ARHGAP24: variants seen among roughly 807,000 people sequenced by gnomAD.
ARHGAP24 encodes rho GTPase-activating protein 24.
ARHGAP24 carries 50 observed loss-of-function variants against 76.4 expected under a neutral mutation model. The ratio of observed to expected loss-of-function variants is 0.65; its 90% CI spans 0.52 to 0.83. The LOEUF (loss-of-function observed/expected upper bound fraction) is 0.83. Ranked by LOEUF, ARHGAP24 falls within the 40% of genes least tolerant of loss-of-function variation. The probability of loss-of-function intolerance (pLI) is 0.00; values close to 1 mark genes in which losing one functional copy is unlikely to be tolerated. For missense variants in ARHGAP24, 930 were observed against 914.2 expected, an observed-to-expected ratio of 1.02 and a Z score of -0.22; for synonymous variants, 345 against 323.3, an observed-to-expected ratio of 1.07 and a Z score of -0.72.
At chr4:85,704,618 T>C (rs916655921) in intron 2 of ARHGAP24, among the ~76,000 whole-genome samples, 5 of 152,212 alleles carry the variant, frequency 3.3e-5, no homozygotes, top group African/African-American at 1.2e-4. Context: ...AAAACTATGA[T>C]ACTCAGTTCT....
rs1261825194 is a variant in ARHGAP24, at chr4:85,731,009, CACACACACACACACACACAG to C, written c.268+9039_268+9058del. ...CTGCACACACACACACACACACACA[CACACACACACACACACACAG>C]AGAGAGAGACTGGGCATGTGTGTGT... is the stretch of plus-strand genomic sequence containing the variant. On this transcript the variant is annotated intron_variant, in intron 3 of 9. Transcript: ENST00000395184. Among the ~76,000 whole-genome samples the C allele has an allele frequency of 2.3e-5, 3 of 132,264 alleles. No individual in the cohort carries two copies. In the East Asian group the frequency reaches 1.6e-3, roughly 70 times the overall value. 86.8% of individuals were successfully genotyped at this position (132,264 alleles called of 152,430 possible).
At chr4:85,945,759 C>CAAA (rs35877734) in intron 5 of ARHGAP24, among the ~76,000 whole-genome samples, 1 of 62,458 alleles carries the variant, frequency 1.6e-5, no homozygotes, top group African/African-American at 4.7e-5. Flanking sequence ...GACTCAGCCT[C>CAAA]AAAAAAAAAA....
In ARHGAP24 at chr4:86,001,196, T is replaced by G. The variant is rs1401022590; in HGVS notation, c.*474T>G. ...GCAAAAATATAAATATATATATAAATATATGAGTTATTAAAATCAGAAGAA... is the reference window on the plus strand; with the variant it reads ...GCAAAAATATAAATATATATATAAAGATATGAGTTATTAAAATCAGAAGAA... On this transcript the variant is annotated 3_prime_UTR_variant, in exon 10 of 10. Transcript: ENST00000395184. The G allele has an allele frequency of 5.0e-6, 2 of 396,900 alleles. No homozygotes were observed. Among genetic ancestry groups the G allele is most frequent in the Non-Finnish European group, 8.9e-6 (2 of 225,294 alleles). The allele number at this position is 396,900 out of a possible 1,614,324, so 24.6% of individuals were successfully genotyped here.
In ARHGAP24 at chr4:85,942,265, A is replaced by T. The variant is rs1306302298; in HGVS notation, c.591A>T (p.Ser197=). The T allele has an allele frequency of 6.2e-7, 1 of 1,614,044 alleles. No individual in the cohort carries two copies. ...CCTTTGACTGTGGGGAGAAGCCATC[A>T]TTTGACAGGTAGATGTCACAATTTT... The part of the protein sequence containing the change: ...QDAFDCGEKP[S]FDSNTDVHTV... The change falls in exon 5 of 10, where the codon TCA becomes TCT. Residue 197 remains serine (S), a synonymous_variant. Transcript: ENST00000395184.
chr4:85,755,669 G>A (rs1199373220), intron 3 of ARHGAP24, among the ~76,000 whole-genome samples: 1 of 124,104 alleles, frequency 8.1e-6, no homozygotes, highest in Non-Finnish European at 1.6e-5. Flanking sequence ...GTCTCGTTCT[G>A]TTGCCCAGGC....
At chr4:85,722,046 T>C in intron 3 of ARHGAP24, 74 bp downstream of exon 3, 5 of 1,359,182 alleles carry the variant, frequency 3.7e-6, no homozygotes, top group Non-Finnish European at 5.2e-6. Flanking sequence ...TCAGACAGGT[T>C]TCATTCTTTT....
At chr4:85,743,468 T>C (rs970069631) in intron 3 of ARHGAP24, among the ~76,000 whole-genome samples, 1 of 117,536 alleles carries the variant, frequency 8.5e-6, no homozygotes, top group Non-Finnish European at 1.7e-5. Context: ...TTTGGGAGGG[T>C]GAGGCAGGAG....
At chr4:85,519,655 C>G (rs139861917) in intron 1 of ARHGAP24, among the ~76,000 whole-genome samples, 1,567 of 152,184 alleles carry the variant, frequency 0.01, 13 homozygotes, top group East Asian at 0.019. Context: ...AGCCTGGAAG[C>G]CCTTACAAAG....
At chr4:85,901,340 G>A (rs964659593) in intron 3 of ARHGAP24, among the ~76,000 whole-genome samples, 2 of 152,052 alleles carry the variant, frequency 1.3e-5, no homozygotes, top group South Asian at 4.1e-4. Context: ...TTTGTTTCTA[G>A]TTAGTATTCA....
chr4:85,972,107 CT>C lies in ARHGAP24; in HGVS notation c.673del (p.Tyr225MetfsTer25). 1 of 1,613,874 alleles carries C rather than the reference CT, an allele frequency of 6.2e-7. No individual in the cohort carries two copies. The highest frequency in any genetic ancestry group is 1.7e-5 in the Admixed American group (1 of 60,008). ...CGAGAACTTCCAGAACCAGTTATTC[CT>C]TATGCGAAGTATGAAGATTTTTTGT... ...YLRELPEPVI[P>X]YAKYEDFLSC... On this transcript the variant is annotated frameshift_variant, in exon 6 of 10. Coordinates refer to ENST00000395184, the MANE Select transcript of ARHGAP24 (RefSeq NM_001025616.3). LOFTEE classifies it high-confidence loss of function.
At chr4:85,890,254 T>G (rs1003942159) in intron 3 of ARHGAP24, among the ~76,000 whole-genome samples, 1 of 152,184 alleles carries the variant, frequency 6.6e-6, no homozygotes, top group African/African-American at 2.4e-5. Flanking sequence ...CCCTGTAGAC[T>G]TCCCAGCCCC....
intron 1 of ARHGAP24, among the ~76,000 whole-genome samples, chr4:85,544,623 G>T (rs1423277128): frequency 6.6e-6 from 1 of 151,854 alleles, no homozygotes; most frequent in Non-Finnish European, 1.5e-5. Flanking sequence ...AATTTTAAGG[G>T]TTTTTTCAGG....
At chr4:85,610,252 G>A (rs1372674482) in intron 2 of ARHGAP24, among the ~76,000 whole-genome samples, 1 of 151,820 alleles carries the variant, frequency 6.6e-6, no homozygotes, top group African/African-American at 2.4e-5. Context: ...GACCATCCTG[G>A]CTAACACGGT....
intron 3 of ARHGAP24, among the ~76,000 whole-genome samples, chr4:85,907,693 G>A (rs903459842): frequency 6.6e-6 from 1 of 152,134 alleles, no homozygotes; most frequent in African/African-American, 2.4e-5. Context: ...TCATATGCTT[G>A]TTTATTCCCT....
chr4:85,693,175 C>T (rs761224525), intron 2 of ARHGAP24, among the ~76,000 whole-genome samples: 1 of 152,168 alleles, frequency 6.6e-6, no homozygotes, highest in Non-Finnish European at 1.5e-5. Context: ...CTCTGTCTTT[C>T]CTCACATTTA....
intron 2 of ARHGAP24, among the ~76,000 whole-genome samples, chr4:85,705,627 C>T (rs1343220140): frequency 2.0e-5 from 3 of 152,110 alleles, no homozygotes; most frequent in African/African-American, 7.2e-5. Context: ...GTTCAGCTAT[C>T]AACGGTCATA....
chr4:85,801,533 T>G (rs1373145646), intron 3 of ARHGAP24, among the ~76,000 whole-genome samples: 1 of 152,254 alleles, frequency 6.6e-6, no homozygotes, highest in Non-Finnish European at 1.5e-5. Flanking sequence ...ATATTTACAG[T>G]GTCATCCCTT....
At chr4:85,911,244 G>A (rs976382650) in intron 3 of ARHGAP24, among the ~76,000 whole-genome samples, 3 of 152,190 alleles carry the variant, frequency 2.0e-5, no homozygotes, top group Admixed American at 1.3e-4. Context: ...CTCGAATGGG[G>A]TGGGGCTCCC....
At chr4:85,954,355 A>G (rs1214606843) in intron 5 of ARHGAP24, among the ~76,000 whole-genome samples, 1 of 152,172 alleles carries the variant, frequency 6.6e-6, no homozygotes, top group Non-Finnish European at 1.5e-5. Context: ...CCTTCAAGGC[A>G]TTTGAGCTCC....
Sources: gnomAD v4.1 joint callset for allele counts (sites outside exome capture counted in the v4.1 genomes callset) on GRCh38, gnomAD v4.1.1 for gene constraint, MANE v1.5 for transcripts, NCBI Gene and HGNC (gene_info 2026-07-23, HGNC 2026-07-21) for gene names.